Variants in CUL1 observed in about 807,000 individuals in gnomAD.
The protein encoded by CUL1 is cullin-1.
A neutral mutation model predicts 118.0 loss-of-function variants in CUL1; 24 were observed. The observed-to-expected ratio is 0.20, with a 90% confidence interval of 0.15 to 0.29. CUL1 has a LOEUF of 0.29. Among genes scored for constraint, CUL1 ranks in the 10% least tolerant of loss-of-function variants. The pLI, the probability that CUL1 is intolerant of heterozygous loss-of-function variation, is 1.00. For synonymous variants in CUL1, 332 were observed against 340.4 expected (o/e 0.98, Z 0.27); for missense variants, 361 against 933.8 (o/e 0.39, Z 7.99).
At chr7:148,799,187 G>T in intron 20 of CUL1, 88 bp from the exon 21 acceptor site, 20 of 956,206 alleles carry the variant, frequency 2.1e-5, no homozygotes, top group Non-Finnish European at 3.3e-5. Context: ...CATAGGCGTC[G>T]GCAGCCTCTG....
chr7:148,786,512 C>G lies in CUL1; in HGVS notation c.1299-39C>G, dbSNP rs1188148854. 3 of 1,520,260 alleles carry G rather than the reference C, an allele frequency of 2.0e-6. No homozygotes were observed. In the South Asian group the frequency reaches 3.4e-5, roughly 17 times the overall value. 94.2% of individuals were successfully genotyped at this position (1,520,260 alleles called of 1,614,324 possible). Reference sequence around the variant, plus strand: ...GCTAAGTGGTGCTTGTTTAAACGTACTGATGTTTTAAAACATGGTATCTTT... The same window carrying G: ...GCTAAGTGGTGCTTGTTTAAACGTAGTGATGTTTTAAAACATGGTATCTTT... On this transcript the variant is annotated intron_variant, in intron 11 of 21. Transcript: ENST00000325222.
rs1203417069 is a variant in CUL1 at position 148,778,070 on chromosome 7, C to CAAAAAAAAAAAAAAAAAAA, written c.1084-5704_1084-5686dup. On this transcript the variant is annotated intron_variant, in intron 9 of 21. Transcript: ENST00000325222. ...AGGGTGACAGAAGAAGACCCTGTCT[C>CAAAAAAAAAAAAAAAAAAA]AAAAAAAAAAAAAAAAAAAAAAAAA... Among the ~76,000 whole-genome samples the CAAAAAAAAAAAAAAAAAAA allele has an allele frequency of 1.7e-3, 24 of 13,782 alleles. 2 individuals carry two copies. The highest frequency in any genetic ancestry group is 2.9e-3 in the Admixed American group (2 of 700). The allele number at this position is 13,782 out of a possible 152,430, so 9.0% of individuals were successfully genotyped here.
At position 148,798,572 on chromosome 7, in the gene CUL1, T is replaced by C; in HGVS notation, c.2031T>C (p.Asn677=). Residue 677 remains asparagine (N), a splice_region_variant and synonymous_variant, in exon 20 of 22, where the codon AAT becomes AAC. Transcript: ENST00000325222. ...TCGGTTTCCTCATTTTTCTTGATAG[T>C]AAGAAATTAAGGGTTAACATCAATG... The part of the protein sequence containing the change: ...TLIKLYLGYK[N]KKLRVNINVP... 1 of 1,609,142 alleles carries C rather than the reference T, an allele frequency of 6.2e-7. No homozygotes were observed. Among genetic ancestry groups the C allele is most frequent in the East Asian group, 2.2e-5 (1 of 44,846 alleles).
chr7:148,779,654 C>T (rs1035764617), intron 9 of CUL1, among the ~76,000 whole-genome samples: 5 of 152,148 alleles, frequency 3.3e-5, no homozygotes, highest in African/African-American at 2.4e-5. Context: ...GAGAGTGATA[C>T]AGTCATGGAA....
chr7:148,738,256 G>C (rs557972513), intron 2 of CUL1, among the ~76,000 whole-genome samples: 1 of 152,314 alleles, frequency 6.6e-6, no homozygotes, highest in African/African-American at 2.4e-5. Flanking sequence ...CAGGAAGGCA[G>C]TCTGTTGGTG....
chr7:148,737,454 C>T (rs1490188450), intron 2 of CUL1, among the ~76,000 whole-genome samples: 3 of 151,782 alleles, frequency 2.0e-5, no homozygotes. Context: ...TTTATAACTA[C>T]AGACGGATTA....
chr7:148,750,728 A>G (rs1294735030), intron 2 of CUL1, among the ~76,000 whole-genome samples: 1 of 152,024 alleles, frequency 6.6e-6, no homozygotes, highest in Non-Finnish European at 1.5e-5. Context: ...GGACAGGCTG[A>G]CTCTCTTGGA....
intron 11 of CUL1, among the ~76,000 whole-genome samples, chr7:148,784,788 A>G (rs1288666035): frequency 6.6e-6 from 1 of 152,228 alleles, no homozygotes; most frequent in Non-Finnish European, 1.5e-5. Context: ...TTATATTTTA[A>G]ACAGCTCTTG....
intron 9 of CUL1, among the ~76,000 whole-genome samples, 182 bp downstream of exon 9, chr7:148,767,931 G>GT (rs1311575516): frequency 1.3e-5 from 2 of 152,068 alleles, no homozygotes; most frequent in East Asian, 3.8e-4. Context: ...AAATACCTCC[G>GT]TAAGTTTTTC....
At chr7:148,697,778 G>A (rs1797571634), upstream of CUL1, 1 of 152,230 alleles carries the variant, frequency 6.6e-6, no homozygotes, top group Non-Finnish European at 1.5e-5. Flanking sequence ...CCCCTCACTA[G>A]GTGTTGGGGT....
chr7:148,769,944 G>A (rs1800153362), intron 9 of CUL1, among the ~76,000 whole-genome samples: 1 of 152,152 alleles, frequency 6.6e-6, no homozygotes, highest in Non-Finnish European at 1.5e-5. Flanking sequence ...TAATTCTAAT[G>A]TTCATCTTTT....
intron 2 of CUL1, among the ~76,000 whole-genome samples, chr7:148,732,655 G>A (rs1798803046): frequency 6.6e-6 from 1 of 151,968 alleles, no homozygotes; most frequent in Non-Finnish European, 1.5e-5. Context: ...ATTTCTTAAT[G>A]TGTTCTTTTT....
At chr7:148,725,388 A>T (rs923789229) in intron 1 of CUL1, among the ~76,000 whole-genome samples, 1 of 152,208 alleles carries the variant, frequency 6.6e-6, no homozygotes, top group Non-Finnish European at 1.5e-5. Flanking sequence ...ATCGGGCCTC[A>T]GCTGCAGAGC....
intron 20 of CUL1, 91 bp from the exon 21 acceptor site, chr7:148,799,184 G>T: frequency 1.1e-6 from 1 of 910,804 alleles, no homozygotes; most frequent in Non-Finnish European, 1.7e-6. Context: ...GTGCATAGGC[G>T]TCGGCAGCCT....
chr7:148,768,556 T>A (rs1800087138), intron 9 of CUL1, among the ~76,000 whole-genome samples: 1 of 152,036 alleles, frequency 6.6e-6, no homozygotes, highest in East Asian at 1.9e-4. Flanking sequence ...GGCTAATTTT[T>A]GTATTTTTAG....
chr7:148,707,400 A>T (rs180782644), intron 1 of CUL1, among the ~76,000 whole-genome samples: 8 of 152,014 alleles, frequency 5.3e-5, no homozygotes, highest in Non-Finnish European at 1.0e-4. Context: ...GAATTATATT[A>T]AAAAAATTTT....
At chr7:148,767,259 A>C (rs1800036359) in intron 8 of CUL1, among the ~76,000 whole-genome samples, 1 of 152,008 alleles carries the variant, frequency 6.6e-6, no homozygotes. Flanking sequence ...TTGAGTGCCT[A>C]TTATGTGTCA....
intron 2 of CUL1, among the ~76,000 whole-genome samples, chr7:148,750,733 C>G (rs1420973303): frequency 6.6e-6 from 1 of 152,142 alleles, no homozygotes; most frequent in African/African-American, 2.4e-5. Flanking sequence ...GGCTGACTCT[C>G]TTGGAGGTGA....
At chr7:148,784,790 C>G (rs1800763518) in intron 11 of CUL1, among the ~76,000 whole-genome samples, 1 of 152,140 alleles carries the variant, frequency 6.6e-6, no homozygotes, top group Admixed American at 6.5e-5. Flanking sequence ...ATATTTTAAA[C>G]AGCTCTTGAA....
Sources: allele counts gnomAD v4.1 joint callset (sites outside exome capture counted in the v4.1 genomes callset), GRCh38; gene constraint gnomAD v4.1.1; transcripts MANE v1.5; gene names NCBI Gene and HGNC (gene_info 2026-07-23, HGNC 2026-07-21).